The following CNTN6 variants were observed in gnomAD, a reference collection of about 807,000 sequenced individuals.
CNTN6 encodes the protein contactin 6.
In CNTN6, 137 loss-of-function variants were observed where a neutral mutation model predicts 122.8. The ratio of observed to expected loss-of-function variants is 1.12; its 90% confidence interval spans 0.97 to 1.29. CNTN6 has a LOEUF of 1.29. CNTN6 is among the 50% of genes most tolerant of loss of function. The probability of loss-of-function intolerance (pLI) is 0.00; values close to 1 mark genes in which losing one functional copy is unlikely to be tolerated. For synonymous variants in CNTN6, 570 were observed against 426.0 expected (o/e 1.34, Z -4.16); for missense variants, 1,634 against 1,223.4 (o/e 1.34, Z -5.01).
intron 1 of CNTN6, among the ~76,000 whole-genome samples, chr3:1,094,854 A>G (rs2090438769): frequency 6.6e-6 from 1 of 152,048 alleles, no homozygotes; most frequent in Non-Finnish European, 1.5e-5. Flanking sequence ...AATACAAAAT[A>G]TTTGCTTATT....
At chr3:1,322,340 C>G (rs950071739) in intron 8 of CNTN6, among the ~76,000 whole-genome samples, 1 of 151,516 alleles carries the variant, frequency 6.6e-6, no homozygotes, top group Non-Finnish European at 1.5e-5. Flanking sequence ...GTCTCAGTTA[C>G]AAAAATCTCT....
At chr3:1,284,294 G>C (rs1693977255) in intron 5 of CNTN6, among the ~76,000 whole-genome samples, 1 of 151,606 alleles carries the variant, frequency 6.6e-6, no homozygotes, top group Non-Finnish European at 1.5e-5. Flanking sequence ...AAATAAAGAG[G>C]AAAATTATGT....
Position 1,146,769 on chromosome 3 carries a change from A to AT in CNTN6, c.-82-1158_-82-1157insT, listed in dbSNP as rs1488923702. ...AAACAAATAAATAAATGCTTATGAA[A>AT]ATATAATTAATGAATGAATAGATAT... On this transcript the variant is annotated intron_variant, in intron 1 of 22. Transcript: ENST00000446702. Among the ~76,000 whole-genome samples the AT allele has an allele frequency of 2.6e-5, 4 of 152,252 alleles. No individual in the cohort carries two copies. The East Asian group carries it at 5.8e-4, about 22-fold the overall frequency.
intron 7 of CNTN6, among the ~76,000 whole-genome samples, chr3:1,304,813 G>GT (rs1401601051): frequency 6.6e-6 from 1 of 151,772 alleles, no homozygotes; most frequent in Non-Finnish European, 1.5e-5. Flanking sequence ...CCAAGAAGGT[G>GT]AAACCCCCTT....
chr3:1,351,426 T>C (rs114445076), intron 11 of CNTN6, among the ~76,000 whole-genome samples: 32 of 152,080 alleles, frequency 2.1e-4, no homozygotes, highest in African/African-American at 7.5e-4. Context: ...TTTTAAAAGG[T>C]TGGTAACTAC....
intron 11 of CNTN6, among the ~76,000 whole-genome samples, chr3:1,349,020 A>T (rs1705207626): frequency 6.6e-6 from 1 of 152,010 alleles, no homozygotes; most frequent in African/African-American, 2.4e-5. Context: ...TGTAACACCT[A>T]ACATACCGTT....
intron 17 of CNTN6, among the ~76,000 whole-genome samples, chr3:1,382,387 G>GA (rs1692032478): frequency 6.6e-6 from 1 of 152,008 alleles, no homozygotes; most frequent in South Asian, 2.1e-4. Flanking sequence ...TTCATGTGAG[G>GA]AAAAATGCAC....
chr3:1,309,582 T>C (rs1698913958), intron 7 of CNTN6, among the ~76,000 whole-genome samples: 1 of 152,210 alleles, frequency 6.6e-6, no homozygotes, highest in Non-Finnish European at 1.5e-5. Flanking sequence ...ATTCTTCTTC[T>C]TCAGCATTGT....
intron 2 of CNTN6, among the ~76,000 whole-genome samples, chr3:1,202,733 T>A (rs1253063591): frequency 6.6e-6 from 1 of 152,040 alleles, no homozygotes; most frequent in Non-Finnish European, 1.5e-5. Flanking sequence ...TGTCAAGGGC[T>A]TTTCTCACAC....
chr3:1,159,836 C>T (rs116075724), intron 2 of CNTN6, among the ~76,000 whole-genome samples: 1,728 of 151,562 alleles, frequency 0.011, 28 homozygotes, highest in African/African-American at 0.04. Flanking sequence ...TTTTCCCCCC[C>T]TCAAGACAAA....
At chr3:1,300,474 A>AGGAAGGAG (rs1553668701) in intron 7 of CNTN6, among the ~76,000 whole-genome samples, 2 of 135,360 alleles carry the variant, frequency 1.5e-5, no homozygotes, top group Non-Finnish European at 3.0e-5. Flanking sequence ...GAAGGAAGGA[A>AGGAAGGAG]GGAAGGAAGG....
Position 1,372,300 on chromosome 3 carries a change from G to C in CNTN6, c.1494G>C (p.Glu498Asp). ...AKNTGSLIVKERTVITVPPSK... is the reference protein window; with the variant it reads ...AKNTGSLIVKDRTVITVPPSK... ...AAAAATAATTTTTTTTCTCAACAGA[G>C]AGAACTGTCATTACCGTCCCACCTT... Residue 498 changes from glutamate (E) to aspartate (D), a missense_variant and splice_region_variant, in exon 13 of 23, where the codon GAG becomes GAC. Physicochemically the swap from Glu to Asp is conservative, Grantham distance 45. Transcript: ENST00000446702. 6.3e-7 allele frequency: 1 copy of C among 1,593,710 alleles called. No individual in the cohort carries two copies. The highest frequency in any genetic ancestry group is 8.5e-7 in the Non-Finnish European group (1 of 1,173,160).
At chr3:1,195,140 A>G (rs559156667) in intron 2 of CNTN6, among the ~76,000 whole-genome samples, 35 of 152,260 alleles carry the variant, frequency 2.3e-4, no homozygotes, top group African/African-American at 8.4e-4. Context: ...GCACCCCAGA[A>G]TCTGAAGAGA....
At chr3:1,284,447 A>G (rs1212321771) in intron 5 of CNTN6, among the ~76,000 whole-genome samples, 1 of 152,144 alleles carries the variant, frequency 6.6e-6, no homozygotes, top group Admixed American at 6.5e-5. Context: ...TGAAAGTGTA[A>G]AAGGCAGACA....
intron 7 of CNTN6, among the ~76,000 whole-genome samples, chr3:1,301,958 GC>G (rs1017044845): frequency 6.6e-6 from 1 of 152,110 alleles, no homozygotes; most frequent in Non-Finnish European, 1.5e-5. Flanking sequence ...TACTGAAAAT[GC>G]CTTTGAGTCC....
chr3:1,148,907 TC>T (rs1005908069), intron 2 of CNTN6, among the ~76,000 whole-genome samples: 9 of 152,168 alleles, frequency 5.9e-5, no homozygotes, highest in Non-Finnish European at 1.3e-4. Context: ...GAGTCTGGGT[TC>T]TTTTACATGG....
At chr3:1,106,950 C>T (rs550143612) in intron 1 of CNTN6, among the ~76,000 whole-genome samples, 149 of 152,174 alleles carry the variant, frequency 9.8e-4, no homozygotes, top group Non-Finnish European at 1.7e-3. Flanking sequence ...AGAAATAGAA[C>T]GAATAGTGCC....
At chr3:1,388,350 TC>T (rs1258375770) in intron 20 of CNTN6, among the ~76,000 whole-genome samples, 1 of 146,074 alleles carries the variant, frequency 6.8e-6, no homozygotes. Flanking sequence ...AAGCTGAGGG[TC>T]CTGTCTGTTA....
chr3:1,271,086 C>T lies in CNTN6; in HGVS notation c.359-7327C>T, dbSNP rs182603322. 6.6e-5 allele frequency among the ~76,000 whole-genome samples: 10 copies of T among 152,216 alleles called. No individual in the cohort carries two copies. In the East Asian group the frequency reaches 7.7e-4, roughly 12 times the overall value. On this transcript the variant is annotated intron_variant, in intron 4 of 22. Transcript: ENST00000446702. ...AGAGACAGGGTTTCACCATGTTGCC[C>T]GGGCTGGTGTCCAACTCCTGGTCTC...
Sources: gnomAD v4.1 joint callset for allele counts (sites outside exome capture counted in the v4.1 genomes callset) on GRCh38, gnomAD v4.1.1 for gene constraint, MANE v1.5 for transcripts, NCBI Gene and HGNC (gene_info 2026-07-23, HGNC 2026-07-21) for gene names.